Variants in CEP112 observed in about 807,000 individuals in gnomAD.
CEP112 encodes centrosomal protein 112, also known as centrosomal protein of 112 kDa.
In CEP112, 127 loss-of-function variants were observed where a neutral mutation model predicts 153.0. The observed-to-expected ratio is 0.83, with a 90% CI of 0.72 to 0.96. The LOEUF (loss-of-function observed/expected upper bound fraction) is 0.96, where lower values mean the gene tolerates loss of function less well. Ranked by LOEUF, CEP112 falls within the 40% of genes least tolerant of loss-of-function variation. The probability of loss-of-function intolerance (pLI) is 0.00; values close to 1 mark genes in which losing one functional copy is unlikely to be tolerated. For missense variants in CEP112, 1,089 were observed against 1,101.2 expected (o/e 0.99, Z 0.16); for synonymous variants, 358 against 374.4 (o/e 0.96, Z 0.51).
intron 8 of CEP112, among the ~76,000 whole-genome samples, chr17:66,093,026 C>A (rs889921762): frequency 6.6e-6 from 1 of 152,012 alleles, no homozygotes; most frequent in Admixed American, 6.6e-5. Flanking sequence ...GAGTATTACA[C>A]AAGGGAAATA....
intron 8 of CEP112, among the ~76,000 whole-genome samples, chr17:66,089,308 A>T (rs1281030835): frequency 1.3e-5 from 2 of 152,234 alleles, no homozygotes; most frequent in Non-Finnish European, 2.9e-5. Context: ...ACATAACCCC[A>T]GCAAAAGAAA....
At chr17:65,828,878 G>GTT (rs142931765) in intron 21 of CEP112, among the ~76,000 whole-genome samples, 1 of 144,314 alleles carries the variant, frequency 6.9e-6, no homozygotes. Context: ...TTTTTAGAGA[G>GTT]TTTTTTTTTT....
At chr17:66,031,490 T>TTG (rs1568406090) in intron 12 of CEP112, among the ~76,000 whole-genome samples, 39 of 147,662 alleles carry the variant, frequency 2.6e-4, no homozygotes, top group African/African-American at 9.8e-4. Flanking sequence ...TTTTTTGTTT[T>TTG]TTTTTTTTTT....
chr17:66,070,469 T>C (rs1326556353), intron 8 of CEP112, among the ~76,000 whole-genome samples: 1 of 152,112 alleles, frequency 6.6e-6, no homozygotes, highest in African/African-American at 2.4e-5. Context: ...AGAATGAATA[T>C]CCATAAAAAT....
intron 17 of CEP112, 127 bp from the exon 18 acceptor site, chr17:65,961,725 C>T (rs2062211046): frequency 1.2e-6 from 1 of 822,570 alleles, no homozygotes; most frequent in Non-Finnish European, 1.8e-6. Context: ...TCCTACAAAA[C>T]TTCCCTTTAG....
intron 5 of CEP112, 114 bp from the exon 6 acceptor site, chr17:66,129,937 A>G: frequency 1.7e-6 from 1 of 599,924 alleles, no homozygotes; most frequent in Non-Finnish European, 2.8e-6. Context: ...GGAAATAAAG[A>G]GGAAGGAAGT....
Position 66,052,087 on chromosome 17 carries a change from G to A in CEP112, c.1218+1649C>T, listed in dbSNP as rs28631865. ...ATTTACTGAATACTGTATTGAAAGTGAAGAACAGAATGAATGTACAGATGG... is the reference window on the plus strand; with the variant it reads ...ATTTACTGAATACTGTATTGAAAGTAAAGAACAGAATGAATGTACAGATGG... On this transcript the variant is annotated intron_variant, in intron 12 of 26. Coordinates refer to ENST00000535342, the MANE Select transcript of CEP112 (RefSeq NM_001199165.4). Among the ~76,000 whole-genome samples, 808 of 152,260 alleles carry A rather than the reference G, an allele frequency of 5.3e-3. 9 individuals are homozygous for A. Among genetic ancestry groups the A allele is most frequent in the African/African-American group, 0.019 (777 of 41,546 alleles).
At chr17:65,916,966 A>T (rs969095016) in intron 19 of CEP112, among the ~76,000 whole-genome samples, 2 of 152,170 alleles carry the variant, frequency 1.3e-5, no homozygotes, top group African/African-American at 4.8e-5. Context: ...ATTGCCTTTC[A>T]CTAAATATCA....
At chr17:66,034,978 A>AGTGTGTGTG (rs2065659899) in intron 12 of CEP112, among the ~76,000 whole-genome samples, 1 of 34,700 alleles carries the variant, frequency 2.9e-5, no homozygotes, top group African/African-American at 1.7e-4. Flanking sequence ...TTTTGCATGT[A>AGTGTGTGTG]TATATATATA....
Position 66,159,064 on chromosome 17 carries a change from A to G in CEP112, c.470+15980T>C, listed in dbSNP as rs570872182. Among the ~76,000 whole-genome samples, 7 of 152,370 alleles carry G rather than the reference A, an allele frequency of 4.6e-5. No individual in the cohort carries two copies. In the East Asian group the frequency reaches 1.3e-3, roughly 29 times the overall value. On this transcript the variant is annotated intron_variant, in intron 4 of 26. Coordinates refer to ENST00000535342, the MANE Select transcript of CEP112 (RefSeq NM_001199165.4). ...ATACAAACTATCATCAGAGAATACT[A>G]TAAACACCTCTATGCAAATAAACTA...
chr17:66,162,499 C>T (rs2071755731), intron 4 of CEP112, among the ~76,000 whole-genome samples: 1 of 152,124 alleles, frequency 6.6e-6, no homozygotes, highest in Non-Finnish European at 1.5e-5. Context: ...AAAGAGTATT[C>T]ACAGTAGAAT....
chr17:65,958,245 C>T (rs1599144319), intron 18 of CEP112, among the ~76,000 whole-genome samples: 2 of 152,152 alleles, frequency 1.3e-5, no homozygotes, highest in South Asian at 2.1e-4. Context: ...ATTATATGAG[C>T]TCTTATATAT....
intron 21 of CEP112, among the ~76,000 whole-genome samples, chr17:65,790,314 T>C (rs1280837737): frequency 6.6e-6 from 1 of 152,054 alleles, no homozygotes; most frequent in Non-Finnish European, 1.5e-5. Flanking sequence ...CCAGCACGGA[T>C]CTATGATGGG....
chr17:65,703,283 C>T (rs1247998182), intron 23 of CEP112, among the ~76,000 whole-genome samples: 9 of 151,926 alleles, frequency 5.9e-5, no homozygotes, highest in Admixed American at 2.0e-4. Flanking sequence ...GAGGCTGAGG[C>T]GGGTGGATCA....
At chr17:66,135,811 C>T (rs2070406952) in intron 4 of CEP112, among the ~76,000 whole-genome samples, 1 of 151,546 alleles carries the variant, frequency 6.6e-6, no homozygotes, top group Non-Finnish European at 1.5e-5. Context: ...TATCCCTGTA[C>T]AGATAAAGAA....
chr17:66,101,927 A>G (rs1212962212), intron 6 of CEP112, among the ~76,000 whole-genome samples: 1 of 152,174 alleles, frequency 6.6e-6, no homozygotes, highest in East Asian at 1.9e-4. Flanking sequence ...TATTAGATAG[A>G]AGCTATAAAT....
At chr17:66,099,531 A>G (rs1256222437) in intron 6 of CEP112, among the ~76,000 whole-genome samples, 5 of 151,482 alleles carry the variant, frequency 3.3e-5, no homozygotes, top group Admixed American at 6.6e-5. Flanking sequence ...AAAAGAATAA[A>G]GAAGACAAGC....
In CEP112 at chr17:66,176,896, A is replaced by C; in HGVS notation, c.231T>G (p.Gly77=). 1 of 1,613,898 alleles carries C rather than the reference A, an allele frequency of 6.2e-7. No homozygotes were observed. Among genetic ancestry groups the C allele is most frequent in the South Asian group, 1.1e-5 (1 of 91,050 alleles). ...AKLLLHMLKR[G]ALEGPFTHRP... The stretch of plus-strand genomic sequence containing the variant: ...GGTGTGTAAAAGGGCCTTCAAGCGC[A>C]CCTCGTTTAAGCATATGCAATAACA... The change falls in exon 3 of 27, where the codon GGT becomes GGG. Residue 77 remains glycine (G), a synonymous_variant. Coordinates refer to ENST00000535342, the MANE Select transcript of CEP112 (RefSeq NM_001199165.4).
At chr17:65,639,982 C>A (rs1042862077) in intron 25 of CEP112, among the ~76,000 whole-genome samples, 1 of 149,120 alleles carries the variant, frequency 6.7e-6, no homozygotes, top group Non-Finnish European at 1.5e-5. Context: ...GGATAACAGG[C>A]ATGCACCACC....
Sources: allele counts gnomAD v4.1 joint callset (sites outside exome capture counted in the v4.1 genomes callset), GRCh38; gene constraint gnomAD v4.1.1; transcripts MANE v1.5; gene names NCBI Gene and HGNC (gene_info 2026-07-23, HGNC 2026-07-21).